FGD3: variants seen among roughly 807,000 people sequenced by gnomAD.
FGD3 encodes the protein FYVE, RhoGEF and PH domain containing 3.
FGD3 carries 45 observed loss-of-function variants against 71.8 expected under a neutral mutation model. The observed-to-expected ratio is 0.63, with a 90% CI of 0.49 to 0.80. The LOEUF is 0.80. Among genes scored for constraint, FGD3 ranks in the 30% least tolerant of loss-of-function variants. The pLI, the probability that FGD3 is intolerant of heterozygous loss-of-function variation, is 0.00. For missense variants in FGD3, 844 were observed against 951.5 expected (o/e 0.89, Z 1.49); for synonymous variants, 378 against 392.8 (o/e 0.96, Z 0.44).
chr9:92,963,672 A>C (rs1233771473), intron 1 of FGD3, among the ~76,000 whole-genome samples: 1 of 152,124 alleles, frequency 6.6e-6, no homozygotes, highest in Non-Finnish European at 1.5e-5. Flanking sequence ...CAGACTTTGC[A>C]CTCTAAGCCC....
At position 92,998,031 on chromosome 9, in the gene FGD3, C is replaced by T. The variant is rs183857884; in HGVS notation, c.454-4894C>T. 1.5e-3 allele frequency among the ~76,000 whole-genome samples: 221 copies of T among 152,220 alleles called. 2 individuals carry two copies. The highest frequency in any genetic ancestry group is 2.1e-3 in the Non-Finnish European group (140 of 68,004). ...ATGTTGGCCTGCCTCACTAGGTTGG[C>T]GAAGTTCTCCTGGATAATATCCTGC... On this transcript the variant is annotated intron_variant, in intron 3 of 17. Transcript: ENST00000375482.
intron 1 of FGD3, among the ~76,000 whole-genome samples, chr9:92,957,304 T>G (rs773058425): frequency 6.6e-6 from 1 of 152,244 alleles, no homozygotes; most frequent in African/African-American, 2.4e-5. Flanking sequence ...TTGTACAATT[T>G]TCTGCTTCCA....
chr9:92,960,142 G>A (rs776410378), intron 1 of FGD3, among the ~76,000 whole-genome samples: 8 of 151,480 alleles, frequency 5.3e-5, no homozygotes, highest in Middle Eastern at 3.2e-3. Context: ...GTGTCTTCAT[G>A]TCTTCATGTC....
chr9:92,991,483 A>C (rs1304778841), intron 3 of FGD3, among the ~76,000 whole-genome samples: 6 of 151,964 alleles, frequency 3.9e-5, no homozygotes, highest in Non-Finnish European at 7.4e-5. Flanking sequence ...CTTGTTGTTG[A>C]TGTCTAGTTT....
intron 1 of FGD3, among the ~76,000 whole-genome samples, chr9:92,967,919 CCTTTT>C (rs1859390575): frequency 6.6e-6 from 1 of 152,206 alleles, no homozygotes; most frequent in Non-Finnish European, 1.5e-5. Flanking sequence ...GGAGAGGCCA[CCTTTT>C]CTTTATCCAG....
At chr9:93,005,886 C>G in intron 5 of FGD3, 138 bp from the exon 6 acceptor site, 1 of 856,482 alleles carries the variant, frequency 1.2e-6, no homozygotes, top group Non-Finnish European at 1.7e-6. Flanking sequence ...AGCTAAGGCT[C>G]AGAGAGGGTG....
At chr9:92,948,435 G>A (rs1352773029) in intron 1 of FGD3, among the ~76,000 whole-genome samples, 1 of 152,330 alleles carries the variant, frequency 6.6e-6, no homozygotes, top group African/African-American at 2.4e-5. Context: ...TGTAGTTCGT[G>A]CCTCTGGTCC....
At chr9:92,993,748 G>A (rs1168688727) in intron 3 of FGD3, among the ~76,000 whole-genome samples, 3 of 152,160 alleles carry the variant, frequency 2.0e-5, no homozygotes, top group Non-Finnish European at 4.4e-5. Context: ...AGTTTGCTCA[G>A]AATGATGGTT....
At chr9:93,005,921 A>T (rs1228509967) in intron 5 of FGD3, 103 bp from the exon 6 acceptor site, 2 of 1,335,072 alleles carry the variant, frequency 1.5e-6, no homozygotes, top group Non-Finnish European at 2.0e-6. Flanking sequence ...CATCACACAG[A>T]GCTGGCCTCC....
Position 92,981,500 on chromosome 9 carries a change from A to G in FGD3, c.453+4791A>G, listed in dbSNP as rs1055904571. 3.9e-5 allele frequency among the ~76,000 whole-genome samples: 6 copies of G among 152,286 alleles called. No individual in the cohort carries two copies. The East Asian group carries it at 9.6e-4, about 24-fold the overall frequency. ...AATGTTTCATGTACACTTGAGAAGA[A>G]CATATATTGTGCTGTTTTTGGGCAG... is the stretch of plus-strand genomic sequence containing the variant. On this transcript the variant is annotated intron_variant, in intron 3 of 17. Transcript: ENST00000375482.
intron 1 of FGD3, among the ~76,000 whole-genome samples, chr9:92,953,424 C>T (rs998057357): frequency 6.6e-6 from 1 of 152,216 alleles, no homozygotes; most frequent in Non-Finnish European, 1.5e-5. Context: ...TGAAGCTGGG[C>T]TTGCCTCTCC....
intron 14 of FGD3, among the ~76,000 whole-genome samples, chr9:93,028,186 C>T (rs1396706893): frequency 7.0e-6 from 1 of 141,914 alleles, no homozygotes; most frequent in African/African-American, 2.7e-5. Flanking sequence ...GGCCCCTCAG[C>T]CCCTAGCCCC....
chr9:92,954,873 C>T (rs1030566431), intron 1 of FGD3, among the ~76,000 whole-genome samples: 1 of 152,204 alleles, frequency 6.6e-6, no homozygotes, highest in Non-Finnish European at 1.5e-5. Flanking sequence ...TTTCCTCCAC[C>T]TCTCTGAACC....
intron 3 of FGD3, among the ~76,000 whole-genome samples, chr9:92,996,340 T>G (rs1174213397): frequency 1.3e-5 from 2 of 152,196 alleles, no homozygotes; most frequent in Non-Finnish European, 2.9e-5. Context: ...TTTATCATTT[T>G]TTATTGCTAT....
chr9:92,991,680 G>T (rs1165745344), intron 3 of FGD3, among the ~76,000 whole-genome samples: 1 of 152,098 alleles, frequency 6.6e-6, no homozygotes. Flanking sequence ...TTGTTCTATG[G>T]TGTAGTTTAA....
At position 92,948,788 on chromosome 9, in the gene FGD3, C is replaced by T. The variant is rs1458094776; in HGVS notation, c.-218+1059C>T. Among the ~76,000 whole-genome samples the T allele has an allele frequency of 2.0e-5, 3 of 152,340 alleles. No homozygotes were observed. The East Asian group carries it at 5.8e-4, about 29-fold the overall frequency. On this transcript the variant is annotated intron_variant, in intron 1 of 17. Coordinates refer to ENST00000375482, the MANE Select transcript of FGD3 (RefSeq NM_001083536.2). ...ACTGTCCATAGCTCTTCTTCCCAGG[C>T]CCTTGTGTTGGGGCAGGGGTGGTCA...
chr9:93,018,627 T>C (rs10992580), intron 11 of FGD3, among the ~76,000 whole-genome samples: 5,273 of 152,268 alleles, frequency 0.035, 110 homozygotes, highest in Middle Eastern at 0.065. Context: ...TGATGGTTTT[T>C]TTGAGAGGCC....
chr9:92,949,782 C>A (rs777837268), intron 1 of FGD3, among the ~76,000 whole-genome samples: 9 of 152,144 alleles, frequency 5.9e-5, no homozygotes, highest in Non-Finnish European at 7.3e-5. Flanking sequence ...CTCCACAACA[C>A]CCCTGTTCGA....
At chr9:93,009,911 C>T (rs527449957) in intron 6 of FGD3, among the ~76,000 whole-genome samples, 34 of 152,278 alleles carry the variant, frequency 2.2e-4, no homozygotes, top group Admixed American at 1.2e-3. Flanking sequence ...CTTAGGCCCA[C>T]GGGTGGGTGA....
Sources: allele counts gnomAD v4.1 joint callset (sites outside exome capture counted in the v4.1 genomes callset), GRCh38; gene constraint gnomAD v4.1.1; transcripts MANE v1.5; gene names NCBI Gene and HGNC (gene_info 2026-07-23, HGNC 2026-07-21).